Variants in RAPGEF6 observed in about 807,000 individuals in gnomAD.
RAPGEF6 encodes the protein Rap guanine nucleotide exchange factor 6, also known as PDZ domain containing guanine nucleotide exchange factor (GEF) 2.
Under a neutral mutation model 171.4 loss-of-function variants are expected in RAPGEF6, and 56 were observed. The ratio of observed to expected loss-of-function variants is 0.33; its 90% CI spans 0.26 to 0.41. The LOEUF (loss-of-function observed/expected upper bound fraction) is 0.41, where lower values mean the gene tolerates loss of function less well. Among genes scored for constraint, RAPGEF6 ranks in the 10% least tolerant of loss-of-function variants. The pLI, the probability that RAPGEF6 is intolerant of heterozygous loss-of-function variation, is 1.00. For missense variants in RAPGEF6, 1,674 were observed against 1,921.4 expected (o/e 0.87, Z 2.41); for synonymous variants, 692 against 650.1 (o/e 1.06, Z -0.98).
chr5:131,596,273 G>T (rs1402808164), intron 3 of RAPGEF6, among the ~76,000 whole-genome samples: 1 of 149,868 alleles, frequency 6.7e-6, no homozygotes, highest in Non-Finnish European at 1.5e-5. Context: ...GACAGAAAAG[G>T]TGATTATATA....
At chr5:131,490,355 A>C (rs376614736) in intron 14 of RAPGEF6, among the ~76,000 whole-genome samples, 1 of 152,220 alleles carries the variant, frequency 6.6e-6, no homozygotes, top group East Asian at 1.9e-4. Context: ...GAGTGAAAAA[A>C]TATTAGGGAA....
At chr5:131,501,033 A>G (rs1756988178) in intron 11 of RAPGEF6, among the ~76,000 whole-genome samples, 2 of 151,000 alleles carry the variant, frequency 1.3e-5, no homozygotes, top group Non-Finnish European at 3.0e-5. Flanking sequence ...TTGGCCTCCC[A>G]AAGTGCTGGG....
chr5:131,597,590 A>G (rs1402123143), intron 3 of RAPGEF6, among the ~76,000 whole-genome samples: 1 of 152,198 alleles, frequency 6.6e-6, no homozygotes, highest in Admixed American at 6.5e-5. Context: ...TAAGTGAAAT[A>G]AGACAGACAT....
intron 4 of RAPGEF6, among the ~76,000 whole-genome samples, chr5:131,563,616 C>T (rs1197286786): frequency 6.6e-6 from 1 of 152,170 alleles, no homozygotes; most frequent in Non-Finnish European, 1.5e-5. Context: ...GTGATCTTCC[C>T]ATATCAGTCC....
At chr5:131,472,510 C>T (rs1561491113) in intron 17 of RAPGEF6, 77 bp downstream of exon 17, 1 of 1,510,372 alleles carries the variant, frequency 6.6e-7, no homozygotes, top group Admixed American at 1.7e-5. Flanking sequence ...AACTCTAGCA[C>T]TTGCTGCACA....
rs972437190 is a variant in RAPGEF6 at position 131,439,449 on chromosome 5, A to G, written c.3745+132T>C. On this transcript the variant is annotated intron_variant, in intron 24 of 27. Coordinates refer to ENST00000509018, the MANE Select transcript of RAPGEF6 (RefSeq NM_016340.6). ...TCTGAATAATGCAATACAAAACATC[A>G]AAGTTCAAAAAGCATTAGGAGTTAT... 3.6e-5 allele frequency: 51 copies of G among 1,401,844 alleles called. No individual in the cohort carries two copies. In the African/African-American group the frequency reaches 5.1e-4, roughly 14 times the overall value. The allele number at this position is 1,401,844 out of a possible 1,614,324, so 86.8% of individuals were successfully genotyped here.
intron 1 of RAPGEF6, among the ~76,000 whole-genome samples, chr5:131,605,727 C>T (rs1476320950): frequency 5.3e-5 from 8 of 151,718 alleles, no homozygotes; most frequent in Non-Finnish European, 1.0e-4. Flanking sequence ...AACACGGAGC[C>T]ATTAAGAAAA....
chr5:131,550,735 T>A (rs533012940), intron 5 of RAPGEF6, among the ~76,000 whole-genome samples: 2 of 152,216 alleles, frequency 1.3e-5, no homozygotes, highest in Non-Finnish European at 2.9e-5. Context: ...TTATTGTGTA[T>A]ACACACCTAG....
intron 22 of RAPGEF6, among the ~76,000 whole-genome samples, chr5:131,443,868 A>G (rs1580831372): frequency 6.6e-6 from 1 of 152,258 alleles, no homozygotes; most frequent in Non-Finnish European, 1.5e-5. Flanking sequence ...AAGTGAAATT[A>G]TCTCAACAGC....
At chr5:131,542,407 T>A (rs891178866) in intron 6 of RAPGEF6, among the ~76,000 whole-genome samples, 2 of 152,120 alleles carry the variant, frequency 1.3e-5, no homozygotes, top group South Asian at 4.1e-4. Context: ...AAGTTATCTA[T>A]CAAGACAGAC....
intron 5 of RAPGEF6, among the ~76,000 whole-genome samples, chr5:131,550,981 T>C (rs1760886484): frequency 6.6e-6 from 1 of 152,260 alleles, no homozygotes. Flanking sequence ...AACCGTATTA[T>C]GTAATATTAT....
intron 16 of RAPGEF6, among the ~76,000 whole-genome samples, chr5:131,478,352 G>A (rs1755248277): frequency 6.6e-6 from 1 of 152,134 alleles, no homozygotes; most frequent in African/African-American, 2.4e-5. Context: ...ATATTATGCT[G>A]TATCCACAAC....
chr5:131,543,021 A>C (rs969446587), intron 6 of RAPGEF6, among the ~76,000 whole-genome samples: 3 of 152,234 alleles, frequency 2.0e-5, no homozygotes, highest in Admixed American at 6.5e-5. Flanking sequence ...TCGATGGCAC[A>C]GACATAAAAT....
chr5:131,475,033 T>C (rs2149850736), intron 16 of RAPGEF6, among the ~76,000 whole-genome samples: 1 of 152,350 alleles, frequency 6.6e-6, no homozygotes, highest in Middle Eastern at 3.4e-3. Context: ...GAAAAGTCCT[T>C]ATATCTCTTG....
chr5:131,444,253 G>A (rs1323503312), intron 22 of RAPGEF6, among the ~76,000 whole-genome samples: 1 of 152,078 alleles, frequency 6.6e-6, no homozygotes, highest in South Asian at 2.1e-4. Context: ...TCAAATACAG[G>A]GACCCCAAGA....
At chr5:131,621,243 TGTA>T (rs1470089547) in intron 1 of RAPGEF6, among the ~76,000 whole-genome samples, 2 of 152,144 alleles carry the variant, frequency 1.3e-5, no homozygotes, top group African/African-American at 4.8e-5. Context: ...TATAAAATGG[TGTA>T]GTATTTGCAT....
chr5:131,432,173 A>G (rs577909732), intron 25 of RAPGEF6, among the ~76,000 whole-genome samples: 31 of 152,206 alleles, frequency 2.0e-4, no homozygotes, highest in Non-Finnish European at 4.4e-4. Context: ...AGAATTTGTG[A>G]CAGAGACTAT....
intron 13 of RAPGEF6, among the ~76,000 whole-genome samples, chr5:131,494,713 C>T (rs1299730030): frequency 6.6e-6 from 1 of 151,948 alleles, no homozygotes; most frequent in Admixed American, 6.6e-5. Flanking sequence ...AATCTTTTGG[C>T]CACACAGAAT....
chr5:131,503,706 C>T (rs1472616665), intron 11 of RAPGEF6, among the ~76,000 whole-genome samples: 10 of 152,096 alleles, frequency 6.6e-5, no homozygotes, highest in Non-Finnish European at 2.9e-5. Context: ...TATAATTGTT[C>T]AGTTTATATC....
Sources: allele counts gnomAD v4.1 joint callset (sites outside exome capture counted in the v4.1 genomes callset), GRCh38; gene constraint gnomAD v4.1.1; transcripts MANE v1.5; gene names NCBI Gene and HGNC (gene_info 2026-07-23, HGNC 2026-07-21).